SYNPR: variants seen among roughly 807,000 people sequenced by gnomAD.
The protein encoded by SYNPR is synaptoporin.
In SYNPR, 23 loss-of-function variants were observed where a neutral mutation model predicts 32.9. The observed-to-expected ratio is 0.70, with a 90% CI of 0.50 to 0.99. The LOEUF (loss-of-function observed/expected upper bound fraction) is 0.99, where lower values mean the gene tolerates loss of function less well. SYNPR is among the 50% of genes least tolerant of loss of function. The probability of loss-of-function intolerance (pLI) is 0.00; values close to 1 mark genes in which losing one functional copy is unlikely to be tolerated. For synonymous variants in SYNPR, 146 were observed against 135.9 expected (o/e 1.07, Z -0.52); for missense variants, 318 against 349.3 (o/e 0.91, Z 0.71).
chr3:63,481,289 C>T (rs752027248), intron 3 of SYNPR, among the ~76,000 whole-genome samples: 7 of 152,192 alleles, frequency 4.6e-5, no homozygotes, highest in Non-Finnish European at 8.8e-5. Flanking sequence ...ATTTTTAGCA[C>T]TGTGCCTTTC....
chr3:63,206,947 A>C, the SYNPR span, among the ~76,000 whole-genome samples: 2 of 152,202 alleles, frequency 1.3e-5, no homozygotes, highest in Non-Finnish European at 2.9e-5. Flanking sequence ...CTAATTGCCT[A>C]AAGTAGAGAA....
chr3:63,454,525 A>G lies in SYNPR; in HGVS notation c.85-26307A>G, dbSNP rs373025457. 3.9e-5 allele frequency among the ~76,000 whole-genome samples: 6 copies of G among 152,282 alleles called. No individual in the cohort carries two copies. In the South Asian group the frequency reaches 1.2e-3, roughly 32 times the overall value. On this transcript the variant is annotated intron_variant, in intron 2 of 5. Transcript: ENST00000478300. ...ATAGCCCCATGAAACAAACAGGTGAATTGCATATTGAGTTTTCCATTAAGG... is the reference window on the plus strand; with the variant it reads ...ATAGCCCCATGAAACAAACAGGTGAGTTGCATATTGAGTTTTCCATTAAGG...
chr3:63,392,900 C>T (rs1236512642), intron 2 of SYNPR, among the ~76,000 whole-genome samples: 1 of 152,154 alleles, frequency 6.6e-6, no homozygotes, highest in African/African-American at 2.4e-5. Context: ...TGATTCCCAC[C>T]TGCCTGCCTT....
chr3:63,498,288 T>C (rs902735381), intron 3 of SYNPR, among the ~76,000 whole-genome samples: 9 of 152,168 alleles, frequency 5.9e-5, no homozygotes, highest in Non-Finnish European at 1.3e-4. Context: ...GACTCGTTCA[T>C]TCATAGAGCA....
chr3:63,424,924 G>A (rs1267058862), intron 2 of SYNPR, among the ~76,000 whole-genome samples: 1 of 152,176 alleles, frequency 6.6e-6, no homozygotes, highest in Non-Finnish European at 1.5e-5. Context: ...AATTAAGGAA[G>A]AGAAAGTACA....
At position 63,367,739 on chromosome 3, in the gene SYNPR, A is replaced by G. The variant is rs551233932; in HGVS notation, c.84+88997A>G. 1.2e-4 allele frequency among the ~76,000 whole-genome samples: 19 copies of G among 152,344 alleles called. No homozygotes were observed. The East Asian group carries it at 3.5e-3, about 28-fold the overall frequency. ...TTCAACTAGGGAAACAGGCCCAGAG[A>G]TGGTAAGTGACTTTCCTGGGAACAT... On this transcript the variant is annotated intron_variant, in intron 2 of 5. Coordinates refer to ENST00000478300, the MANE Select transcript of SYNPR (RefSeq NM_001130003.2).
chr3:63,442,747 G>T (rs1700202830), intron 2 of SYNPR, among the ~76,000 whole-genome samples: 1 of 152,112 alleles, frequency 6.6e-6, no homozygotes. Flanking sequence ...AGTTGCCAGA[G>T]CCTTAAAAGC....
intron 2 of SYNPR, among the ~76,000 whole-genome samples, chr3:63,368,754 T>G (rs2087758213): frequency 6.6e-6 from 1 of 152,178 alleles, no homozygotes; most frequent in South Asian, 2.1e-4. Flanking sequence ...AAATGGCCTT[T>G]GATTTTGGCT....
At chr3:63,584,081 C>A (rs1575723327) in intron 4 of SYNPR, among the ~76,000 whole-genome samples, 3 of 152,144 alleles carry the variant, frequency 2.0e-5, no homozygotes, top group Middle Eastern at 6.8e-3. Flanking sequence ...TTTGCTATTT[C>A]TTTTGCTGTC....
Position 63,609,581 on chromosome 3 carries a change from C to A in SYNPR, c.600+265C>A, listed in dbSNP as rs532893362. ...GGCAGCTGCTGCTTAGGTGACAGTC[C>A]AGTTGAAACTCTAAGCCAGAAGCAA... On this transcript the variant is annotated intron_variant, in intron 5 of 5. Transcript: ENST00000478300. Among the ~76,000 whole-genome samples the A allele has an allele frequency of 1.4e-4, 22 of 152,194 alleles. No individual in the cohort carries two copies. The East Asian group carries it at 4.3e-3, about 29-fold the overall frequency.
At chr3:63,323,784 A>T (rs2087136505) in intron 2 of SYNPR, among the ~76,000 whole-genome samples, 1 of 152,184 alleles carries the variant, frequency 6.6e-6, no homozygotes, top group Admixed American at 6.5e-5. Flanking sequence ...ATAATAGGAC[A>T]GGAAATTATA....
intron 2 of SYNPR, among the ~76,000 whole-genome samples, chr3:63,378,040 T>C (rs1231742019): frequency 1.3e-5 from 2 of 151,928 alleles, no homozygotes; most frequent in African/African-American, 2.4e-5. Flanking sequence ...AAGAAAATTG[T>C]ATAATATAGT....
intron 2 of SYNPR, chr3:63,351,519 A>G (rs1201055082): frequency 6.6e-6 from 1 of 152,226 alleles, no homozygotes; most frequent in Admixed American, 6.5e-5. Context: ...AAATTAAAAC[A>G]GTAGCTCTTT....
intron 2 of SYNPR, among the ~76,000 whole-genome samples, chr3:63,392,218 A>T (rs1234773467): frequency 6.6e-6 from 1 of 152,204 alleles, no homozygotes; most frequent in Non-Finnish European, 1.5e-5. Context: ...CTCAAAGTGG[A>T]ATATTAGGTT....
intron 2 of SYNPR, among the ~76,000 whole-genome samples, chr3:63,294,740 TATAAC>T (rs1294837009): frequency 2.6e-5 from 4 of 152,088 alleles, no homozygotes; most frequent in Non-Finnish European, 5.9e-5. Flanking sequence ...TAAACAATGC[TATAAC>T]ATAAGTTTGC....
intron 1 of SYNPR, among the ~76,000 whole-genome samples, chr3:63,248,368 T>TGAAGTGTGGTGGTTGCAGGGAACC (rs2086307009): frequency 6.6e-6 from 1 of 152,046 alleles, no homozygotes; most frequent in African/African-American, 2.4e-5. Flanking sequence ...AAGATACGGG[T>TGAAGTGTGGTGGTTGCAGGGAACC]GAAGTGTGGT....
the SYNPR span, among the ~76,000 whole-genome samples, chr3:63,205,442 G>C: frequency 1.3e-5 from 2 of 152,150 alleles, no homozygotes; most frequent in Non-Finnish European, 2.9e-5. Flanking sequence ...AGTGCCTAAA[G>C]TGAAGCAAAC....
At chr3:63,436,186 T>A (rs1419648516) in intron 2 of SYNPR, among the ~76,000 whole-genome samples, 1 of 149,736 alleles carries the variant, frequency 6.7e-6, no homozygotes, top group Non-Finnish European at 1.5e-5. Context: ...CCAGGTGAGT[T>A]TTTTTTTTTT....
intron 2 of SYNPR, among the ~76,000 whole-genome samples, chr3:63,414,376 G>A (rs1245128939): frequency 6.6e-6 from 1 of 152,140 alleles, no homozygotes; most frequent in African/African-American, 2.4e-5. Context: ...GGTTGCAAAT[G>A]TGTCACTTCA....
Sources: allele counts gnomAD v4.1 joint callset (sites outside exome capture counted in the v4.1 genomes callset), GRCh38; gene constraint gnomAD v4.1.1; transcripts MANE v1.5; gene names NCBI Gene and HGNC (gene_info 2026-07-23, HGNC 2026-07-21).